The following MAML3 variants were observed in gnomAD, a reference collection of about 807,000 sequenced individuals.
MAML3 encodes the protein mastermind like transcriptional coactivator 3.
A neutral mutation model predicts 101.9 loss-of-function variants in MAML3; 27 were observed. The observed-to-expected ratio is 0.27, with a 90% confidence interval of 0.20 to 0.37. The LOEUF (loss-of-function observed/expected upper bound fraction) is 0.37. Among genes scored for constraint, MAML3 ranks in the 10% least tolerant of loss-of-function variants. MAML3 has a pLI of 1.00. For missense variants in MAML3, 1,316 were observed against 1,444.9 expected, an observed-to-expected ratio of 0.91 and a Z score of 1.45; for synonymous variants, 501 against 555.9, an observed-to-expected ratio of 0.90 and a Z score of 1.39.
At chr4:140,009,414 A>G (rs1170057975) in intron 1 of MAML3, among the ~76,000 whole-genome samples, 1 of 152,182 alleles carries the variant, frequency 6.6e-6, no homozygotes, top group East Asian at 1.9e-4. Flanking sequence ...AGTCTGTACT[A>G]CAGTCCAGTG....
chr4:139,839,359 G>T (rs1029372920), intron 2 of MAML3, among the ~76,000 whole-genome samples: 7 of 152,092 alleles, frequency 4.6e-5, no homozygotes, highest in Admixed American at 3.9e-4. Flanking sequence ...CTACCAGAAT[G>T]GGGGGCTAAG....
chr4:139,755,364 G>A (rs1729624056), intron 2 of MAML3, among the ~76,000 whole-genome samples: 1 of 152,194 alleles, frequency 6.6e-6, no homozygotes, highest in Non-Finnish European at 1.5e-5. Flanking sequence ...GCACAGGCGT[G>A]CTGGGAGGCT....
chr4:139,798,053 AAAGAAAGAAAG>A, intron 2 of MAML3, among the ~76,000 whole-genome samples: 1 of 127,340 alleles, frequency 7.9e-6, no homozygotes, highest in Non-Finnish European at 1.6e-5. Flanking sequence ...AGAAAGAAAG[AAAGAAAGAAAG>A]AAAGAAAGAA....
intron 1 of MAML3, among the ~76,000 whole-genome samples, chr4:140,142,198 A>G (rs533799885): frequency 1.2e-3 from 178 of 152,318 alleles, no homozygotes; most frequent in African/African-American, 4.1e-3. Context: ...AGTATACATA[A>G]TATGATTCCA....
intron 1 of MAML3, among the ~76,000 whole-genome samples, chr4:139,940,672 C>A (rs954632937): frequency 6.6e-6 from 1 of 152,132 alleles, no homozygotes; most frequent in Admixed American, 6.5e-5. Context: ...AAAACCAGAC[C>A]CCTTTCTTGG....
At chr4:139,774,274 T>G (rs1730049951) in intron 2 of MAML3, among the ~76,000 whole-genome samples, 1 of 152,254 alleles carries the variant, frequency 6.6e-6, no homozygotes. Context: ...TGGTAATTGT[T>G]TATTTAACTG....
intron 1 of MAML3, among the ~76,000 whole-genome samples, chr4:140,072,638 C>T (rs1436758121): frequency 6.6e-6 from 1 of 150,400 alleles, no homozygotes; most frequent in Non-Finnish European, 1.5e-5. Context: ...CCATTGCACT[C>T]CAACCTGGGC....
chr4:140,136,877 C>A (rs1728896672), intron 1 of MAML3, among the ~76,000 whole-genome samples: 1 of 152,244 alleles, frequency 6.6e-6, no homozygotes. Context: ...ATGTGAACAA[C>A]CTTAGGAAAT....
intron 1 of MAML3, among the ~76,000 whole-genome samples, chr4:140,068,607 G>A (rs958065363): frequency 6.6e-6 from 1 of 152,168 alleles, no homozygotes; most frequent in Non-Finnish European, 1.5e-5. Context: ...TCCTAACCCG[G>A]TCACTTCCAA....
chr4:139,746,607 C>T (rs1300659926), intron 2 of MAML3, among the ~76,000 whole-genome samples: 2 of 152,288 alleles, frequency 1.3e-5, no homozygotes, highest in East Asian at 3.9e-4. Flanking sequence ...CTCTCTCGCT[C>T]TGCGGGCCCC....
intron 3 of MAML3, among the ~76,000 whole-genome samples, chr4:139,727,301 C>T (rs1287361912): frequency 6.6e-6 from 1 of 152,178 alleles, no homozygotes; most frequent in East Asian, 1.9e-4. Flanking sequence ...AAAGTGTAGA[C>T]AAGAAACCAC....
At chr4:139,791,950 C>T (rs1257010268) in intron 2 of MAML3, among the ~76,000 whole-genome samples, 1 of 152,324 alleles carries the variant, frequency 6.6e-6, no homozygotes, top group East Asian at 1.9e-4. Context: ...GAGGCTCCAT[C>T]TGTTAGTGGT....
intron 2 of MAML3, among the ~76,000 whole-genome samples, chr4:139,868,348 G>T (rs144546153): frequency 2.1e-4 from 32 of 152,356 alleles, no homozygotes; most frequent in Middle Eastern, 3.4e-3. Context: ...GATCATTCAA[G>T]ATTCATTTGA....
intron 1 of MAML3, among the ~76,000 whole-genome samples, chr4:139,932,189 A>G (rs933438155): frequency 6.8e-6 from 1 of 146,560 alleles, no homozygotes. Context: ...TCAGATTTTC[A>G]TTGCTTACTT....
chr4:140,004,741 C>T (rs543038467), intron 1 of MAML3, among the ~76,000 whole-genome samples: 2 of 152,192 alleles, frequency 1.3e-5, no homozygotes, highest in Admixed American at 6.5e-5. Flanking sequence ...AGCTCCCTTC[C>T]CAGACCCGCT....
At chr4:139,961,370 A>G (rs1438875962) in intron 1 of MAML3, among the ~76,000 whole-genome samples, 2 of 152,228 alleles carry the variant, frequency 1.3e-5, no homozygotes, top group Non-Finnish European at 2.9e-5. Flanking sequence ...TCACCTGAAC[A>G]CCAGATGTTT....
chr4:139,935,149 C>G (rs1020467778), intron 1 of MAML3, among the ~76,000 whole-genome samples: 1 of 151,892 alleles, frequency 6.6e-6, no homozygotes, highest in Admixed American at 6.6e-5. Flanking sequence ...CAGAACACAG[C>G]CGACTTCTCA....
chr4:139,920,030 T>C (rs1733094750), intron 1 of MAML3, among the ~76,000 whole-genome samples: 1 of 152,252 alleles, frequency 6.6e-6, no homozygotes, highest in South Asian at 2.1e-4. Flanking sequence ...TTGTATGCCA[T>C]AACTGTTTTT....
chr4:139,800,323 T>C (rs1365211020), intron 2 of MAML3, among the ~76,000 whole-genome samples: 2 of 152,012 alleles, frequency 1.3e-5, no homozygotes, highest in African/African-American at 4.8e-5. Context: ...AGGCAGAGAG[T>C]GTTGCACAGA....
Sources: gnomAD v4.1 joint callset for allele counts (sites outside exome capture counted in the v4.1 genomes callset) on GRCh38, gnomAD v4.1.1 for gene constraint, MANE v1.5 for transcripts, NCBI Gene and HGNC (gene_info 2026-07-23, HGNC 2026-07-21) for gene names.